Variants in CNTN4 observed in about 807,000 individuals in gnomAD.
CNTN4 encodes the protein contactin 4, also known as contactin-4.
A neutral mutation model predicts 122.5 loss-of-function variants in CNTN4; 77 were observed. The observed-to-expected ratio is 0.63, with a 90% CI of 0.52 to 0.76. The LOEUF (loss-of-function observed/expected upper bound fraction) is 0.76, where lower values mean the gene tolerates loss of function less well. Ranked by LOEUF, CNTN4 falls within the 30% of genes least tolerant of loss-of-function variation. CNTN4 has a pLI of 0.00. For synonymous variants in CNTN4, 512 were observed against 447.0 expected (o/e 1.15, Z -1.83); for missense variants, 1,256 against 1,259.1 (o/e 1.00, Z 0.04).
chr3:2,232,484 C>T (rs1044448674), intron 2 of CNTN4, among the ~76,000 whole-genome samples: 1 of 152,116 alleles, frequency 6.6e-6, no homozygotes, highest in South Asian at 2.1e-4. Flanking sequence ...ATACTCTTTA[C>T]ATGCCTTATC....
intron 2 of CNTN4, among the ~76,000 whole-genome samples, chr3:2,216,190 A>T (rs920958248): frequency 6.6e-6 from 1 of 152,224 alleles, no homozygotes; most frequent in Non-Finnish European, 1.5e-5. Flanking sequence ...ATACACCACG[A>T]AACACTATGC....
intron 4 of CNTN4, among the ~76,000 whole-genome samples, chr3:2,734,250 A>G (rs983508103): frequency 2.0e-5 from 3 of 151,974 alleles, no homozygotes; most frequent in African/African-American, 7.2e-5. Context: ...TGGTAGAGAT[A>G]GGGTCTCCCT....
chr3:2,301,541 G>A (rs940310581), intron 2 of CNTN4, among the ~76,000 whole-genome samples: 5 of 152,280 alleles, frequency 3.3e-5, no homozygotes, highest in African/African-American at 1.2e-4. Flanking sequence ...CAGAGGCCCT[G>A]ATCTTTTTTG....
At chr3:2,720,856 T>G (rs1371214529) in intron 4 of CNTN4, among the ~76,000 whole-genome samples, 1 of 152,210 alleles carries the variant, frequency 6.6e-6, no homozygotes, top group Admixed American at 6.5e-5. Context: ...ACAAGGAAGT[T>G]GAGGCACAAA....
At chr3:2,639,311 C>T (rs2082800651) in intron 4 of CNTN4, among the ~76,000 whole-genome samples, 1 of 152,102 alleles carries the variant, frequency 6.6e-6, no homozygotes, top group Non-Finnish European at 1.5e-5. Context: ...TGGTGCCCTG[C>T]CCCACCTGTT....
intron 3 of CNTN4, among the ~76,000 whole-genome samples, chr3:2,391,362 A>G (rs1455716937): frequency 6.6e-6 from 1 of 152,174 alleles, no homozygotes; most frequent in Non-Finnish European, 1.5e-5. Flanking sequence ...CTATTTTTAC[A>G]ACTGTACTAT....
intron 13 of CNTN4, among the ~76,000 whole-genome samples, chr3:2,946,314 C>T (rs191026814): frequency 3.9e-5 from 6 of 152,270 alleles, no homozygotes; most frequent in African/African-American, 7.2e-5. Flanking sequence ...TTCTGTCATG[C>T]GTGGCTTTCC....
At chr3:2,658,950 CCACACACACAAACAGACACACACACACA>C (rs2083728919) in intron 4 of CNTN4, among the ~76,000 whole-genome samples, 1 of 120,412 alleles carries the variant, frequency 8.3e-6, no homozygotes, top group South Asian at 2.8e-4. Context: ...AATAACACAC[CCACACACACAAACAGACACACACACACA>C]CACACACACA....
chr3:2,714,257 C>G (rs1474437313), intron 4 of CNTN4, among the ~76,000 whole-genome samples: 2 of 152,074 alleles, frequency 1.3e-5, no homozygotes, highest in Non-Finnish European at 2.9e-5. Context: ...GCAGGTGAGA[C>G]TCAGAGTGTA....
At position 2,924,056 on chromosome 3, in the gene CNTN4, T is replaced by G. The variant is rs370242956; in HGVS notation, c.1208-1573T>G. On this transcript the variant is annotated intron_variant, in intron 12 of 24. Transcript: ENST00000418658. Reference sequence around the variant, plus strand: ...CCTCATAAATCTGAGGTAAACAGATTGAGATATCAATTGCCTACTAGATTC... The same window carrying G: ...CCTCATAAATCTGAGGTAAACAGATGGAGATATCAATTGCCTACTAGATTC... 2.7e-4 allele frequency among the ~76,000 whole-genome samples: 41 copies of G among 152,216 alleles called. 1 individual carries two copies. Among genetic ancestry groups the G allele is most frequent in the African/African-American group, 7.7e-4 (32 of 41,546 alleles).
chr3:2,851,212 C>G (rs2093544624), intron 7 of CNTN4, among the ~76,000 whole-genome samples: 1 of 152,206 alleles, frequency 6.6e-6, no homozygotes, highest in South Asian at 2.1e-4. Context: ...TCATAATCAT[C>G]TTAATCCATC....
intron 3 of CNTN4, among the ~76,000 whole-genome samples, chr3:2,405,583 T>G (rs2047004208): frequency 7.4e-6 from 1 of 135,628 alleles, no homozygotes; most frequent in African/African-American, 2.7e-5. Flanking sequence ...GAACCCATAC[T>G]GTTATAGATA....
At chr3:2,168,226 T>C (rs1420788068) in intron 2 of CNTN4, among the ~76,000 whole-genome samples, 1 of 152,186 alleles carries the variant, frequency 6.6e-6, no homozygotes, top group Non-Finnish European at 1.5e-5. Context: ...ATCATATATG[T>C]AAAGAAAATT....
intron 13 of CNTN4, among the ~76,000 whole-genome samples, chr3:2,945,550 C>T (rs1266127618): frequency 3.3e-5 from 5 of 152,114 alleles, no homozygotes; most frequent in Non-Finnish European, 7.4e-5. Flanking sequence ...CAGCCTTTAT[C>T]CTCTCTTGCT....
intron 7 of CNTN4, among the ~76,000 whole-genome samples, chr3:2,864,087 C>T (rs2093697617): frequency 6.6e-6 from 1 of 152,142 alleles, no homozygotes; most frequent in Admixed American, 6.5e-5. Flanking sequence ...TAATGATTAA[C>T]CTGTTGAAGT....
At chr3:2,361,578 A>C (rs539647017) in intron 3 of CNTN4, among the ~76,000 whole-genome samples, 2 of 152,254 alleles carry the variant, frequency 1.3e-5, no homozygotes, top group South Asian at 4.1e-4. Context: ...CACACTAAAA[A>C]GGAGAAATTG....
intron 4 of CNTN4, among the ~76,000 whole-genome samples, chr3:2,705,363 GT>G (rs1291199321): frequency 1.9e-4 from 22 of 113,850 alleles, no homozygotes; most frequent in African/African-American, 7.8e-4. Flanking sequence ...GCCAGACTCC[GT>G]CTCAAAAAAA....
rs1020502328 is a variant in CNTN4, at chr3:2,873,426, G to A, written c.652+6477G>A. Among the ~76,000 whole-genome samples, 5 of 152,198 alleles carry A rather than the reference G, an allele frequency of 3.3e-5. No homozygotes were observed. In the East Asian group the frequency reaches 9.6e-4, roughly 29 times the overall value. Reference sequence around the variant, plus strand: ...TGCATTCAGTCTTTCAGGCCACAGTGCGCCATTTTGTGAGCCTTCACCTCT... The same window carrying A: ...TGCATTCAGTCTTTCAGGCCACAGTACGCCATTTTGTGAGCCTTCACCTCT... On this transcript the variant is annotated intron_variant, in intron 8 of 24. Coordinates refer to ENST00000418658, the MANE Select transcript of CNTN4 (RefSeq NM_175607.3).
intron 2 of CNTN4, among the ~76,000 whole-genome samples, chr3:2,275,786 G>GGT (rs1412043703): frequency 2.6e-5 from 4 of 151,666 alleles, no homozygotes; most frequent in Non-Finnish European, 5.9e-5. Context: ...CGGGCGTGGT[G>GGT]GTGTGTGCCT....
Sources: allele counts gnomAD v4.1 joint callset (sites outside exome capture counted in the v4.1 genomes callset), GRCh38; gene constraint gnomAD v4.1.1; transcripts MANE v1.5; gene names NCBI Gene and HGNC (gene_info 2026-07-23, HGNC 2026-07-21).